Variants in SERPINB6 observed in about 807,000 individuals in gnomAD.
SERPINB6 encodes the protein serpin family B member 6.
A neutral mutation model predicts 26.1 loss-of-function variants in SERPINB6; 16 were observed. The ratio of observed to expected loss-of-function variants is 0.61; its 90% CI spans 0.42 to 0.93. The LOEUF (loss-of-function observed/expected upper bound fraction) is 0.93, where lower values mean the gene tolerates loss of function less well. SERPINB6 is among the 40% of genes least tolerant of loss of function. The pLI, the probability that SERPINB6 is intolerant of heterozygous loss-of-function variation, is 0.00. For synonymous variants in SERPINB6, 174 were observed against 176.6 expected (o/e 0.99, Z 0.11); for missense variants, 420 against 478.0 (o/e 0.88, Z 1.13).
intron 5 of SERPINB6, 44 bp from the exon 6 acceptor site, chr6:2,949,113 C>T (rs1304673264): frequency 1.2e-6 from 2 of 1,604,454 alleles, no homozygotes; most frequent in Admixed American, 1.7e-5. Flanking sequence ...CAAGACCCCA[C>T]TGACACATGG....
chr6:2,965,868 A>C (rs768650632), intron 1 of SERPINB6, among the ~76,000 whole-genome samples: 6 of 152,268 alleles, frequency 3.9e-5, no homozygotes, highest in Non-Finnish European at 7.4e-5. Flanking sequence ...TCCCTGGTTC[A>C]TGGTCTTTGT....
At position 2,948,501 on chromosome 6, in the gene SERPINB6, G is replaced by A; in HGVS notation, c.928C>T (p.Leu310=). 1 of 1,614,134 alleles carries A rather than the reference G, an allele frequency of 6.2e-7. No individual in the cohort carries two copies. Residue 310 remains leucine (L), a synonymous_variant, in exon 7 of 7, where the codon CTG becomes TTG. Coordinates refer to ENST00000380539, the MANE Select transcript of SERPINB6 (RefSeq NM_004568.6). This position sits in a 1 kb window ranked among gnomAD's most constrained non-coding sequence, Gnocchi z 5.0. The part of the protein sequence containing the change: ...ADFSGMSQTD[L]SLSKVVHKSF... ...TTGTGCACGACCTTGGACAGAGACA[G>A]GTCTGTCTGGGACATTCCAGAGAAG...
intron 1 of SERPINB6, chr6:2,971,064 G>C: frequency 8.6e-7 from 1 of 1,164,032 alleles, no homozygotes; most frequent in South Asian, 4.4e-5. Flanking sequence ...CGCGTCCTCC[G>C]GGTCGCGGAG....
chr6:2,965,563 G>A (rs1003972793), intron 1 of SERPINB6, among the ~76,000 whole-genome samples: 5 of 151,986 alleles, frequency 3.3e-5, no homozygotes, highest in African/African-American at 1.2e-4. Flanking sequence ...AACCTTAGTA[G>A]ACTTTTGAAC....
intron 2 of SERPINB6, chr6:2,956,074 CAA>C (rs1157535994): frequency 1.3e-3 from 196 of 155,810 alleles, no homozygotes; most frequent in South Asian, 3.5e-3. Flanking sequence ...GACTCCGTCT[CAA>C]AAAAAAAAAA....
At chr6:2,961,661 G>A (rs1287947460) in intron 1 of SERPINB6, among the ~76,000 whole-genome samples, 2 of 152,276 alleles carry the variant, frequency 1.3e-5, no homozygotes, top group Admixed American at 6.5e-5. Context: ...ACCCTGACAC[G>A]TGGGGTTTTC....
Position 2,948,728 on chromosome 6 carries a change from A to G in SERPINB6, c.730-29T>C. 6.2e-7 allele frequency: 1 copy of G among 1,610,676 alleles called. No individual in the cohort carries two copies. Among genetic ancestry groups the G allele is most frequent in the Non-Finnish European group, 8.5e-7 (1 of 1,177,010 alleles). On this transcript the variant is annotated intron_variant, in intron 6 of 6. Transcript: ENST00000380539. This position sits in a 1 kb window ranked among gnomAD's most constrained non-coding sequence, Gnocchi z 5.0. The stretch of plus-strand genomic sequence containing the variant: ...GAGGGAGACAGTTGAAGACTTTAAG[A>G]CCCAGGGTGCTGCTGCCCAGCAGGG...
intron 1 of SERPINB6, among the ~76,000 whole-genome samples, chr6:2,964,920 TC>T (rs1771468036): frequency 6.6e-6 from 1 of 152,224 alleles, no homozygotes; most frequent in African/African-American, 2.4e-5. Flanking sequence ...CACTGCAGCC[TC>T]GAACTCCTGG....
chr6:2,968,427 C>A (rs986289628), intron 1 of SERPINB6: 1 of 926,964 alleles, frequency 1.1e-6, no homozygotes, highest in Non-Finnish European at 1.3e-6. Flanking sequence ...CACAAACCTG[C>A]GTATGTATCC....
chr6:2,966,529 T>C (rs1358214695), intron 1 of SERPINB6: 36 of 394,760 alleles, frequency 9.1e-5, no homozygotes, highest in East Asian at 1.6e-4. Flanking sequence ...AGTGGCAGCG[T>C]TGGAGTCTTG....
chr6:2,970,461 A>G, intron 1 of SERPINB6: 2 of 1,098,784 alleles, frequency 1.8e-6, no homozygotes, highest in Non-Finnish European at 2.2e-6. Context: ...CAGCACACAT[A>G]AAAGCCCCAG....
intron 3 of SERPINB6, 177 bp from the exon 4 acceptor site, chr6:2,954,886 C>G (rs1770247655): frequency 1.6e-6 from 1 of 608,286 alleles, no homozygotes; most frequent in South Asian, 1.9e-5. Flanking sequence ...TATATTTAAT[C>G]CTAGCTTAAA....
intron 1 of SERPINB6, chr6:2,968,534 A>G: frequency 2.6e-6 from 3 of 1,166,928 alleles, no homozygotes; most frequent in Non-Finnish European, 3.2e-6. Flanking sequence ...TACACTTTTC[A>G]TCATGATATT....
intron 5 of SERPINB6, among the ~76,000 whole-genome samples, chr6:2,951,876 T>A (rs1339544089): frequency 6.6e-6 from 1 of 152,332 alleles, no homozygotes; most frequent in South Asian, 2.1e-4. Flanking sequence ...GGGGAAGGTT[T>A]AGGCTCCCCT....
In SERPINB6 at chr6:2,949,194, C is replaced by T. The variant is rs554824555; in HGVS notation, c.574-125G>A. 14 of 1,071,886 alleles carry T rather than the reference C, an allele frequency of 1.3e-5. 1 individual carries two copies. The Admixed American group carries it at 2.2e-4, about 17-fold the overall frequency. The allele number at this position is 1,071,886 out of a possible 1,614,324, so 66.4% of individuals were successfully genotyped here. On this transcript the variant is annotated intron_variant, in intron 5 of 6. Coordinates refer to ENST00000380539, the MANE Select transcript of SERPINB6 (RefSeq NM_004568.6). ...CTCGGTTTCTCCCCAGCTTCCAGAA[C>T]ACCCGGCAGCGCCTGCTCTGCCATC...
chr6:2,961,747 T>C, intron 1 of SERPINB6: 4 of 873,192 alleles, frequency 4.6e-6, no homozygotes, highest in Non-Finnish European at 5.5e-6. Context: ...CCAGGTGAGA[T>C]GGCTCCTCCA....
intron 1 of SERPINB6, chr6:2,969,472 C>G (rs934466681): frequency 2.0e-6 from 2 of 977,334 alleles, no homozygotes; most frequent in African/African-American, 3.5e-5. Flanking sequence ...GACATAAAAA[C>G]TGGATATTAA....
intron 1 of SERPINB6, chr6:2,961,774 G>T: frequency 2.1e-6 from 2 of 932,188 alleles, no homozygotes; most frequent in Non-Finnish European, 2.6e-6. Flanking sequence ...AAAAAAAAAA[G>T]ACAGAGGTTA....
At position 2,951,261 on chromosome 6, in the gene SERPINB6, C is replaced by T. The variant is rs533078749; in HGVS notation, c.573+1783G>A. Among the ~76,000 whole-genome samples the T allele has an allele frequency of 3.2e-4, 49 of 152,202 alleles. No homozygotes were observed. In the East Asian group the frequency reaches 8.9e-3, roughly 28 times the overall value. Reference sequence around the variant, plus strand: ...ATTAGCCGGGCATAGTGGCACACACCTGTAATCCCAGCTACTCAAGAGGCC... The same window carrying T: ...ATTAGCCGGGCATAGTGGCACACACTTGTAATCCCAGCTACTCAAGAGGCC... On this transcript the variant is annotated intron_variant, in intron 5 of 6. Coordinates refer to ENST00000380539, the MANE Select transcript of SERPINB6 (RefSeq NM_004568.6).
Sources: gnomAD v4.1 joint callset for allele counts (sites outside exome capture counted in the v4.1 genomes callset) on GRCh38, gnomAD v4.1.1 for gene constraint, Gnocchi (gnomAD v3.1) non-coding constraint, MANE v1.5 for transcripts, NCBI Gene and HGNC (gene_info 2026-07-23, HGNC 2026-07-21) for gene names.